Variants in PDE5A observed in about 807,000 individuals in gnomAD.
PDE5A encodes the protein cGMP-specific 3',5'-cyclic phosphodiesterase.
Under a neutral mutation model 110.2 loss-of-function variants are expected in PDE5A, and 67 were observed. The observed-to-expected ratio is 0.61, with a 90% CI of 0.50 to 0.75. The LOEUF (loss-of-function observed/expected upper bound fraction) is 0.75. Among genes scored for constraint, PDE5A ranks in the 30% least tolerant of loss-of-function variants. The pLI, the probability that PDE5A is intolerant of heterozygous loss-of-function variation, is 0.00. For synonymous variants in PDE5A, 328 were observed against 351.2 expected, an observed-to-expected ratio of 0.93 and a Z score of 0.74; for missense variants, 862 against 1,045.1, an observed-to-expected ratio of 0.82 and a Z score of 2.42.
At position 119,627,342 on chromosome 4, in the gene PDE5A, G is replaced by T; in HGVS notation, c.152+1178C>A. The T allele has an allele frequency of 3.7e-6, 4 of 1,070,098 alleles. No homozygotes were observed. The highest frequency in any genetic ancestry group is 4.5e-6 in the Non-Finnish European group (4 of 881,824). 66.3% of individuals were successfully genotyped at this position (1,070,098 alleles called of 1,614,324 possible). On this transcript the variant is annotated intron_variant, in intron 1 of 20. Coordinates refer to ENST00000354960, the MANE Select transcript of PDE5A (RefSeq NM_001083.4). The surrounding 1 kb of genome is among the most constrained non-coding windows in gnomAD (Gnocchi z 4.6). ...CCGCCCGTCGCCTCCCGCTCGCCCC[G>T]CGCTGCGCCGCCCCCTGGCGGGGAG...
At chr4:119,506,069 AATC>A (rs1490197276) in intron 16 of PDE5A, 137 bp from the exon 17 acceptor site, 2 of 436,322 alleles carry the variant, frequency 4.6e-6, no homozygotes, top group Non-Finnish European at 8.3e-6. Flanking sequence ...CCCACTATAA[AATC>A]ATCATTTACA....
rs140515394 is a variant in PDE5A, at chr4:119,515,235, T to C, written c.2000+3810A>G. Reference sequence around the variant, plus strand: ...TCTCATTCATGGGTAAAATGGACTTTACCCAGTTTGAACTTCACACATGAT... The same window carrying C: ...TCTCATTCATGGGTAAAATGGACTTCACCCAGTTTGAACTTCACACATGAT... On this transcript the variant is annotated intron_variant, in intron 14 of 20. Transcript: ENST00000354960. Among the ~76,000 whole-genome samples the C allele has an allele frequency of 2.8e-3, 429 of 152,234 alleles. 1 individual carries two copies. The highest frequency in any genetic ancestry group is 9.9e-3 in the African/African-American group (411 of 41,566).
At chr4:119,572,908 C>A (rs1294253099) in intron 3 of PDE5A, among the ~76,000 whole-genome samples, 1 of 152,144 alleles carries the variant, frequency 6.6e-6, no homozygotes, top group East Asian at 1.9e-4. Flanking sequence ...AGTCTTTCTT[C>A]TCCCCCCTGT....
At chr4:119,532,900 C>G (rs937798612) in intron 11 of PDE5A, among the ~76,000 whole-genome samples, 6 of 152,082 alleles carry the variant, frequency 3.9e-5, no homozygotes, top group African/African-American at 1.4e-4. Flanking sequence ...TGCCTTAGGT[C>G]TGAAGCGTGA....
chr4:119,514,611 C>T (rs992011840), intron 14 of PDE5A, among the ~76,000 whole-genome samples: 1 of 152,022 alleles, frequency 6.6e-6, no homozygotes, highest in East Asian at 1.9e-4. Context: ...TCTCTTTGCA[C>T]ATAATGATGG....
chr4:119,545,786 C>A (rs1236841539), intron 9 of PDE5A, among the ~76,000 whole-genome samples: 2 of 152,168 alleles, frequency 1.3e-5, no homozygotes, highest in Non-Finnish European at 2.9e-5. Flanking sequence ...AATGCTTATA[C>A]CCTGCTTGCA....
At chr4:119,592,347 A>G (rs1016493386) in intron 3 of PDE5A, among the ~76,000 whole-genome samples, 3 of 148,052 alleles carry the variant, frequency 2.0e-5, no homozygotes, top group Non-Finnish European at 3.0e-5. Flanking sequence ...AGTTCCAGGT[A>G]CTCAGGAGGC....
chr4:119,536,866 G>C (rs1726742164), intron 11 of PDE5A, among the ~76,000 whole-genome samples: 1 of 152,112 alleles, frequency 6.6e-6, no homozygotes, highest in Non-Finnish European at 1.5e-5. Flanking sequence ...AAGCACAATA[G>C]AAACTCTCTA....
At chr4:119,553,237 G>A (rs1002558516) in intron 8 of PDE5A, among the ~76,000 whole-genome samples, 1 of 152,050 alleles carries the variant, frequency 6.6e-6, no homozygotes, top group Non-Finnish European at 1.5e-5. Flanking sequence ...AAGAAAAACA[G>A]ACATCCATTT....
chr4:119,613,161 T>C (rs1233197249), intron 1 of PDE5A, among the ~76,000 whole-genome samples: 1 of 152,212 alleles, frequency 6.6e-6, no homozygotes, highest in Non-Finnish European at 1.5e-5. Flanking sequence ...GATAATTGTT[T>C]ATGGCTACAC....
chr4:119,611,529 C>T (rs1005758800), intron 1 of PDE5A, among the ~76,000 whole-genome samples: 3 of 152,140 alleles, frequency 2.0e-5, no homozygotes, highest in East Asian at 1.9e-4. Flanking sequence ...CACAACTGAC[C>T]GTGACTAATT....
chr4:119,538,911 A>AC, intron 11 of PDE5A, 49 bp downstream of exon 11: 5 of 1,407,006 alleles, frequency 3.6e-6, no homozygotes, highest in Non-Finnish European at 5.0e-6. Flanking sequence ...AATTTGGTTA[A>AC]ATTAGGTGTC....
At chr4:119,510,298 A>C (rs1173633110) in intron 15 of PDE5A, among the ~76,000 whole-genome samples, 51 of 152,092 alleles carry the variant, frequency 3.4e-4, no homozygotes, top group Admixed American at 3.2e-3. Context: ...TCCAGGGCTC[A>C]GGAAAGAATT....
chr4:119,549,935 T>C (rs1727278243), intron 9 of PDE5A: 2 of 152,070 alleles, frequency 1.3e-5, no homozygotes, highest in South Asian at 4.1e-4. Flanking sequence ...AGGAAGAAGA[T>C]TACAAACAAC....
At chr4:119,544,180 T>C (rs1727050100) in intron 9 of PDE5A, among the ~76,000 whole-genome samples, 2 of 152,156 alleles carry the variant, frequency 1.3e-5, no homozygotes, top group Admixed American at 6.6e-5. Context: ...CCACCATCAA[T>C]GTTCACTTTC....
At chr4:119,539,569 A>G (rs979387990) in intron 10 of PDE5A, among the ~76,000 whole-genome samples, 31 of 152,126 alleles carry the variant, frequency 2.0e-4, no homozygotes, top group Admixed American at 6.6e-4. Context: ...CACTCCTACA[A>G]TTTAAGAGGT....
intron 3 of PDE5A, among the ~76,000 whole-genome samples, chr4:119,568,834 G>C (rs1414075664): frequency 6.6e-6 from 1 of 152,124 alleles, no homozygotes; most frequent in Admixed American, 6.6e-5. Flanking sequence ...AGTATACATT[G>C]ATATGCTATC....
At chr4:119,618,597 G>GT (rs35620864) in intron 1 of PDE5A, among the ~76,000 whole-genome samples, 3 of 151,584 alleles carry the variant, frequency 2.0e-5, no homozygotes, top group Non-Finnish European at 2.9e-5. Context: ...AATATAATTT[G>GT]TTTTTTTCAG....
chr4:119,532,105 C>G (rs1490865602), intron 11 of PDE5A, among the ~76,000 whole-genome samples: 1 of 152,046 alleles, frequency 6.6e-6, no homozygotes, highest in Non-Finnish European at 1.5e-5. Context: ...ATTGAAGGAG[C>G]TTGATCTGTG....
Sources: allele counts gnomAD v4.1 joint callset (sites outside exome capture counted in the v4.1 genomes callset), GRCh38; gene constraint gnomAD v4.1.1; non-coding constraint Gnocchi (gnomAD v3.1); transcripts MANE v1.5; gene names NCBI Gene and HGNC (gene_info 2026-07-23, HGNC 2026-07-21).